The following NHERF2 variants were observed in gnomAD, a reference collection of about 807,000 sequenced individuals.
NHERF2 encodes the protein Na(+)/H(+) exchange regulatory cofactor NHE-RF2.
chr16:2,036,786 C>A, the NHERF2 span: 1 of 1,613,472 alleles, frequency 6.2e-7, no homozygotes, highest in Middle Eastern at 1.6e-4. Flanking sequence ...AGCATCAAGG[C>A]ACGGGAGGAC....
chr16:2,033,277 G>T, the NHERF2 span: 1 of 1,530,836 alleles, frequency 6.5e-7, no homozygotes, highest in South Asian at 1.2e-5. Context: ...TAAGTGGGGT[G>T]GCAGCCTGGG....
At chr16:2,031,702 G>A in the NHERF2 span, among the ~76,000 whole-genome samples, 5,219 of 152,168 alleles carry the variant, frequency 0.034, 125 homozygotes, top group Middle Eastern at 0.054. Context: ...CAAGGAACAG[G>A]GTCTCCCCTT....
At chr16:2,036,672 C>T in the NHERF2 span, 4,990 of 1,591,358 alleles carry the variant, frequency 3.1e-3, 147 homozygotes, top group African/African-American at 0.056. Flanking sequence ...CCTGGCCACG[C>T]GGCGTTGGGG....
the NHERF2 span, among the ~76,000 whole-genome samples, chr16:2,031,595 G>A: frequency 6.6e-6 from 1 of 152,100 alleles, no homozygotes; most frequent in African/African-American, 2.4e-5. Flanking sequence ...GCTTCCTCTG[G>A]GTGTATTTTT....
At chr16:2,036,950 C>T in the NHERF2 span, 15 of 1,560,792 alleles carry the variant, frequency 9.6e-6, no homozygotes, top group Admixed American at 3.9e-5. Flanking sequence ...ACGCTGTCCC[C>T]ACAGGTCCTC....
chr16:2,035,551 C>G, the NHERF2 span: 1 of 986,934 alleles, frequency 1.0e-6, no homozygotes, highest in African/African-American at 1.7e-5. Context: ...CCTGCTCCGG[C>G]CACCGCCATG....
the NHERF2 span, chr16:2,027,035 C>T: frequency 2.3e-6 from 3 of 1,315,802 alleles, no homozygotes; most frequent in Non-Finnish European, 2.9e-6. Context: ...TGCGGCCGCG[C>T]CTGTGCCGCT....
At chr16:2,030,210 G>A in the NHERF2 span, among the ~76,000 whole-genome samples, 7 of 152,214 alleles carry the variant, frequency 4.6e-5, no homozygotes, top group Non-Finnish European at 1.0e-4. Flanking sequence ...ATGCTGGGAA[G>A]GCCTGGGAGA....
the NHERF2 span, chr16:2,038,123 G>C: frequency 9.1e-7 from 1 of 1,099,872 alleles, no homozygotes; most frequent in African/African-American, 1.6e-5. Flanking sequence ...GCCCCGGTGA[G>C]CCCCCATCCT....
the NHERF2 span, chr16:2,037,591 G>A: frequency 6.2e-7 from 1 of 1,612,744 alleles, no homozygotes. Context: ...GTTCCGACAA[G>A]GACACTGAGG....
chr16:2,036,285 G>T, the NHERF2 span: 1 of 1,558,342 alleles, frequency 6.4e-7, no homozygotes, highest in Non-Finnish European at 8.7e-7. Context: ...GAGGCGGGAG[G>T]CTGGAGCAAG....
At chr16:2,035,576 G>A in the NHERF2 span, 3 of 987,156 alleles carry the variant, frequency 3.0e-6, no homozygotes, top group East Asian at 3.4e-4. Flanking sequence ...ACTGAGCACG[G>A]GCAGCCGCTG....
the NHERF2 span, chr16:2,036,297 G>C: frequency 1.1e-5 from 18 of 1,585,648 alleles, no homozygotes; most frequent in Non-Finnish European, 1.4e-5. Flanking sequence ...TGGAGCAAGA[G>C]ACTGACCCTG....
the NHERF2 span, chr16:2,038,056 T>G: frequency 6.4e-7 from 1 of 1,558,178 alleles, no homozygotes; most frequent in South Asian, 1.2e-5. Context: ...TGCCCCGAGC[T>G]CCCCCAGCCT....
the NHERF2 span, chr16:2,033,138 C>T: frequency 2.1e-6 from 3 of 1,412,008 alleles, no homozygotes; most frequent in African/African-American, 2.9e-5. Flanking sequence ...GGAAGCCTAG[C>T]TGGGTGGGGG....
At chr16:2,030,817 T>C in the NHERF2 span, among the ~76,000 whole-genome samples, 1 of 151,944 alleles carries the variant, frequency 6.6e-6, no homozygotes, top group Non-Finnish European at 1.5e-5. Context: ...GGGGCACGCC[T>C]ATAGTCCCAG....
chr16:2,036,373 G>A, the NHERF2 span: 133 of 1,610,680 alleles, frequency 8.3e-5, no homozygotes, highest in South Asian at 4.5e-4. Flanking sequence ...TGCCACCTGC[G>A]AAAGGGACCT....
At chr16:2,038,476 C>T in the NHERF2 span, 5 of 369,754 alleles carry the variant, frequency 1.4e-5, no homozygotes, top group East Asian at 1.3e-4. Context: ...AAACCTTTCT[C>T]TGCAAACCAT....
the NHERF2 span, chr16:2,029,849 C>A: frequency 7.2e-7 from 1 of 1,383,836 alleles, no homozygotes; most frequent in South Asian, 1.2e-5. Flanking sequence ...CTTTTGACGA[C>A]GATCTTTGCC....
Sources: allele counts gnomAD v4.1 joint callset (sites outside exome capture counted in the v4.1 genomes callset), GRCh38; gene constraint gnomAD v4.1.1; transcripts MANE v1.5; gene names NCBI Gene and HGNC (gene_info 2026-07-23, HGNC 2026-07-21).